MAGI2: variants seen among roughly 807,000 people sequenced by gnomAD.
MAGI2 encodes membrane-associated guanylate kinase, WW and PDZ domain-containing protein 2.
A neutral mutation model predicts 133.3 loss-of-function variants in MAGI2; 35 were observed. That is an observed-to-expected ratio of 0.26 (90% confidence interval 0.20 to 0.35). MAGI2 has a LOEUF of 0.35. Ranked by LOEUF, MAGI2 falls within the 10% of genes least tolerant of loss-of-function variation. The probability of loss-of-function intolerance (pLI) is 1.00; values close to 1 mark genes in which losing one functional copy is unlikely to be tolerated. For missense variants in MAGI2, 1,636 were observed against 1,863.4 expected (o/e 0.88, Z 2.25); for synonymous variants, 729 against 710.6 (o/e 1.03, Z -0.41).
chr7:78,706,822 G>A (rs1818697813), intron 2 of MAGI2, among the ~76,000 whole-genome samples: 1 of 151,998 alleles, frequency 6.6e-6, no homozygotes, highest in African/African-American at 2.4e-5. Flanking sequence ...CTCCTTTGAA[G>A]GTCTAGGGTA....
intron 21 of MAGI2, among the ~76,000 whole-genome samples, chr7:78,077,678 A>C (rs2151182788): frequency 6.6e-6 from 1 of 151,592 alleles, no homozygotes; most frequent in South Asian, 2.1e-4. Context: ...CTATTTAGAC[A>C]ATGTATGCAA....
intron 3 of MAGI2, among the ~76,000 whole-genome samples, chr7:78,564,900 T>TCTC (rs1336793639): frequency 6.8e-6 from 1 of 146,040 alleles, no homozygotes; most frequent in Non-Finnish European, 1.5e-5. Context: ...TTCAGGCCAT[T>TCTC]CTCCTGCCTG....
At chr7:78,524,764 G>A (rs554154721) in intron 3 of MAGI2, among the ~76,000 whole-genome samples, 2 of 77,642 alleles carry the variant, frequency 2.6e-5, no homozygotes, top group Admixed American at 1.0e-4. Flanking sequence ...GGGTAGCACA[G>A]CTTTCAGTAA....
chr7:78,513,512 G>A (rs999194736), intron 4 of MAGI2, among the ~76,000 whole-genome samples: 6 of 146,542 alleles, frequency 4.1e-5, no homozygotes, highest in Middle Eastern at 3.5e-3. Context: ...GAAACCCAGG[G>A]ACACAGGTGA....
At chr7:78,293,424 G>C (rs1321256960) in intron 9 of MAGI2, among the ~76,000 whole-genome samples, 2 of 152,190 alleles carry the variant, frequency 1.3e-5, no homozygotes, top group Non-Finnish European at 2.9e-5. Flanking sequence ...TCATTAAAAA[G>C]TCAGGGAACA....
At position 79,073,124 on chromosome 7, in the gene MAGI2, C is replaced by T. The variant is rs145295948; in HGVS notation, c.302-65918G>A. Among the ~76,000 whole-genome samples, 7 of 152,286 alleles carry T rather than the reference C, an allele frequency of 4.6e-5. No individual in the cohort carries two copies. In the East Asian group the frequency reaches 1.4e-3, roughly 29 times the overall value. On this transcript the variant is annotated intron_variant, in intron 1 of 21. Coordinates refer to ENST00000354212, the MANE Select transcript of MAGI2 (RefSeq NM_012301.4). Reference sequence around the variant, plus strand: ...CTTATGTCATCTAAAATCTTATAAGCACCATGCATTTGTCTTCAAGAATTA... The same window carrying T: ...CTTATGTCATCTAAAATCTTATAAGTACCATGCATTTGTCTTCAAGAATTA...
chr7:78,767,291 T>C (rs1273706568), intron 2 of MAGI2, among the ~76,000 whole-genome samples: 1 of 152,054 alleles, frequency 6.6e-6, no homozygotes, highest in Non-Finnish European at 1.5e-5. Flanking sequence ...ACCCAGCCTA[T>C]AACAAAGTTC....
At chr7:79,282,066 C>G (rs1835684459) in intron 1 of MAGI2, among the ~76,000 whole-genome samples, 1 of 152,114 alleles carries the variant, frequency 6.6e-6, no homozygotes, top group Non-Finnish European at 1.5e-5. Flanking sequence ...ATGAAAAGAT[C>G]TCTTTCCAAT....
intron 6 of MAGI2, among the ~76,000 whole-genome samples, chr7:78,412,846 T>A (rs111531816): frequency 6.6e-6 from 1 of 152,254 alleles, no homozygotes; most frequent in Non-Finnish European, 1.5e-5. Flanking sequence ...AAATGTGAAC[T>A]GCAGCCGTAT....
intron 21 of MAGI2, among the ~76,000 whole-genome samples, chr7:78,032,871 G>T (rs1333651778): frequency 6.6e-6 from 1 of 152,086 alleles, no homozygotes; most frequent in East Asian, 1.9e-4. Context: ...ATGAGAGAGG[G>T]CTTGACATGT....
intron 3 of MAGI2, among the ~76,000 whole-genome samples, chr7:78,601,794 A>G (rs1233373623): frequency 2.0e-5 from 3 of 152,256 alleles, no homozygotes; most frequent in Admixed American, 6.5e-5. Flanking sequence ...TTTATATTGC[A>G]AAGAAACAAA....
chr7:78,966,812 T>C (rs1181191967), intron 2 of MAGI2, among the ~76,000 whole-genome samples: 1 of 151,116 alleles, frequency 6.6e-6, no homozygotes, highest in African/African-American at 2.4e-5. Context: ...TTTTCAGATT[T>C]CTCCAGATCT....
rs886600878 is a variant in MAGI2, at chr7:78,720,657, C to T, written c.419-93418G>A. On this transcript the variant is annotated intron_variant, in intron 2 of 21. Transcript: ENST00000354212. ...AAGCAGCTTACTAATGTACAGCTGT[C>T]GTGGGAAAAGATGTTTCTAAATCAT... Among the ~76,000 whole-genome samples the T allele has an allele frequency of 2.0e-4, 30 of 152,108 alleles. No homozygotes were observed. In the South Asian group the frequency reaches 2.1e-3, roughly 11 times the overall value.
At chr7:78,986,770 T>C in intron 2 of MAGI2, among the ~76,000 whole-genome samples, 1 of 152,042 alleles carries the variant, frequency 6.6e-6, no homozygotes, top group Non-Finnish European at 1.5e-5. Context: ...ATATCTACCC[T>C]TTGTGTCTTC....
At position 78,804,322 on chromosome 7, in the gene MAGI2, G is replaced by A. The variant is rs117252256; in HGVS notation, c.419-177083C>T. 5.2e-3 allele frequency among the ~76,000 whole-genome samples: 790 copies of A among 151,886 alleles called. 2 individuals carry two copies. Among genetic ancestry groups the A allele is most frequent in the Middle Eastern group, 0.014 (4 of 292 alleles). Reference sequence around the variant, plus strand: ...CACATTAACGGTGTCAAGAATAAGGGGGAAAAGTACAAATATCTTACTTTT... The same window carrying A: ...CACATTAACGGTGTCAAGAATAAGGAGGAAAAGTACAAATATCTTACTTTT... On this transcript the variant is annotated intron_variant, in intron 2 of 21. Coordinates refer to ENST00000354212, the MANE Select transcript of MAGI2 (RefSeq NM_012301.4).
intron 1 of MAGI2, among the ~76,000 whole-genome samples, chr7:79,334,011 A>C (rs114606280): frequency 0.015 from 2,316 of 152,312 alleles, 52 homozygotes; most frequent in African/African-American, 0.052. Flanking sequence ...TACACTGCAA[A>C]AGAACAATGA....
chr7:78,246,970 C>T (rs1201143888), intron 10 of MAGI2, among the ~76,000 whole-genome samples: 1 of 152,180 alleles, frequency 6.6e-6, no homozygotes, highest in African/African-American at 2.4e-5. Flanking sequence ...CCAACTCTGC[C>T]TCAGAGAGTA....
At chr7:79,247,342 T>G (rs1832897669) in intron 1 of MAGI2, among the ~76,000 whole-genome samples, 1 of 152,142 alleles carries the variant, frequency 6.6e-6, no homozygotes, top group African/African-American at 2.4e-5. Flanking sequence ...TGGCTGGATG[T>G]GATGGCTCAC....
intron 3 of MAGI2, among the ~76,000 whole-genome samples, chr7:78,599,730 G>C (rs955822743): frequency 6.6e-6 from 1 of 152,086 alleles, no homozygotes; most frequent in Non-Finnish European, 1.5e-5. Flanking sequence ...CCTGCACTAG[G>C]TCTCAGGTTC....
Sources: allele counts gnomAD v4.1 joint callset (sites outside exome capture counted in the v4.1 genomes callset), GRCh38; gene constraint gnomAD v4.1.1; transcripts MANE v1.5; gene names NCBI Gene and HGNC (gene_info 2026-07-23, HGNC 2026-07-21).